The following GRIK4 variants were observed in gnomAD, a reference collection of about 807,000 sequenced individuals.
GRIK4 encodes glutamate receptor ionotropic, kainate 4.
Under a neutral mutation model 104.9 loss-of-function variants are expected in GRIK4, and 40 were observed. The observed-to-expected ratio is 0.38, with a 90% CI of 0.30 to 0.50. The LOEUF (loss-of-function observed/expected upper bound fraction) is 0.50, where lower values mean the gene tolerates loss of function less well. Among genes scored for constraint, GRIK4 ranks in the 20% least tolerant of loss-of-function variants. The pLI is 0.93. For missense variants in GRIK4, 1,047 were observed against 1,308.1 expected, an observed-to-expected ratio of 0.80 and a Z score of 3.08; for synonymous variants, 485 against 524.9, an observed-to-expected ratio of 0.92 and a Z score of 1.04.
intron 3 of GRIK4, among the ~76,000 whole-genome samples, chr11:120,727,145 C>T (rs1951042760): frequency 6.6e-6 from 1 of 152,092 alleles, no homozygotes; most frequent in South Asian, 2.1e-4. Flanking sequence ...GGGTTTGGCC[C>T]ACTTCAGTAG....
chr11:120,861,304 C>T (rs1270396975), intron 8 of GRIK4, among the ~76,000 whole-genome samples: 1 of 151,970 alleles, frequency 6.6e-6, no homozygotes, highest in Non-Finnish European at 1.5e-5. Context: ...GATGGGGTTT[C>T]ACCATGTTGG....
In GRIK4 at chr11:120,882,642, G is replaced by A. The variant is rs368300809; in HGVS notation, c.1164+7399G>A. 8.2e-4 allele frequency among the ~76,000 whole-genome samples: 125 copies of A among 152,312 alleles called. 1 individual carries two copies. The South Asian group carries it at 0.025, about 31-fold the overall frequency. On this transcript the variant is annotated intron_variant, in intron 11 of 20. Transcript: ENST00000527524. ...TTTAATTAAGGGGAATTGGAATGAGGTTTAAAATAGTTGACAACATCTCAT... is the reference window on the plus strand; with the variant it reads ...TTTAATTAAGGGGAATTGGAATGAGATTTAAAATAGTTGACAACATCTCAT...
chr11:120,548,790 C>G (rs923335996), intron 1 of GRIK4, among the ~76,000 whole-genome samples: 1 of 152,128 alleles, frequency 6.6e-6, no homozygotes, highest in Non-Finnish European at 1.5e-5. Context: ...CACACAAAAC[C>G]CTGAAATCCC....
intron 1 of GRIK4, among the ~76,000 whole-genome samples, chr11:120,624,543 C>A (rs1057006618): frequency 6.6e-6 from 1 of 152,134 alleles, no homozygotes; most frequent in Non-Finnish European, 1.5e-5. Flanking sequence ...GCTGGCCACC[C>A]CTTGTTCTCT....
In GRIK4 at chr11:120,535,875, T is replaced by C. The variant is rs904667049; in HGVS notation, c.-159+23988T>C. ...TGACACTGTGCCTGCCTTCAGTCAG[T>C]AGGCATCACTGTACCTTTTCCAGGG... On this transcript the variant is annotated intron_variant, in intron 1 of 20. Transcript: ENST00000527524. Among the ~76,000 whole-genome samples, 16 of 152,230 alleles carry C rather than the reference T, an allele frequency of 1.1e-4. 2 individuals are homozygous for C. Among genetic ancestry groups the C allele is most frequent in the Admixed American group, 1.0e-3 (16 of 15,288 alleles).
intron 18 of GRIK4, among the ~76,000 whole-genome samples, chr11:120,963,171 T>G (rs1432648948): frequency 6.6e-6 from 1 of 152,190 alleles, no homozygotes; most frequent in East Asian, 1.9e-4. Context: ...TTAGATGGAA[T>G]GCTTTCAAAT....
chr11:120,774,209 C>T (rs1236081971), intron 3 of GRIK4, among the ~76,000 whole-genome samples: 1 of 152,144 alleles, frequency 6.6e-6, no homozygotes, highest in Non-Finnish European at 1.5e-5. Flanking sequence ...CTCCCCAGGT[C>T]ATGTTTGAGC....
Position 120,905,298 on chromosome 11 carries a change from A to G in GRIK4, c.1281A>G (p.Pro427=), listed in dbSNP as rs367710549. 15 of 1,612,024 alleles carry G rather than the reference A, an allele frequency of 9.3e-6. No homozygotes were observed. The highest frequency in any genetic ancestry group is 1.3e-5 in the Non-Finnish European group (15 of 1,178,224). ...GCCCAGTTTTGCTGCAGGAGAACCC[A>G]TATTTAATGCTGAAGGGGAACCACC... ...TLVVTTILEN[P]YLMLKGNHQE... is the part of the protein sequence containing the mutation. The change falls in exon 13 of 21, where the codon CCA becomes CCG. Residue 427 remains proline, a synonymous_variant. Transcript: ENST00000527524. The surrounding 1 kb of genome is among the most constrained non-coding windows in gnomAD (Gnocchi z 5.1).
chr11:120,657,346 A>G (rs77101138), intron 2 of GRIK4, among the ~76,000 whole-genome samples: 17,715 of 152,186 alleles, frequency 0.12, 2,638 homozygotes, highest in African/African-American at 0.35. Context: ...GCTTTAATCT[A>G]TCCCTGCACC....
chr11:120,751,875 A>G (rs115596758), intron 3 of GRIK4, among the ~76,000 whole-genome samples: 3,982 of 152,062 alleles, frequency 0.026, 146 homozygotes, highest in African/African-American at 0.09. Context: ...AGGTTCCTGG[A>G]TCTCCTTGCC....
At chr11:120,688,736 G>C (rs149149874) in intron 3 of GRIK4, among the ~76,000 whole-genome samples, 1 of 152,302 alleles carries the variant, frequency 6.6e-6, no homozygotes, top group African/African-American at 2.4e-5. Flanking sequence ...GGTTGAGAGA[G>C]GCTAGTCAAG....
intron 3 of GRIK4, among the ~76,000 whole-genome samples, chr11:120,730,087 T>C (rs956243168): frequency 6.6e-6 from 1 of 152,138 alleles, no homozygotes; most frequent in African/African-American, 2.4e-5. Context: ...GGGCACGGTG[T>C]CTCATGCCTG....
chr11:120,937,273 A>AGGTG (rs1943618341), intron 13 of GRIK4, among the ~76,000 whole-genome samples: 1 of 152,126 alleles, frequency 6.6e-6, no homozygotes, highest in Admixed American at 6.5e-5. Context: ...TCCTGACCTC[A>AGGTG]GGTGATCCAC....
At chr11:120,818,358 T>A (rs762232300) in intron 5 of GRIK4, among the ~76,000 whole-genome samples, 1 of 151,844 alleles carries the variant, frequency 6.6e-6, no homozygotes, top group African/African-American at 2.4e-5. Flanking sequence ...GGTCTGTTTG[T>A]TATTCACTTT....
chr11:120,833,970 A>G (rs917804954), intron 7 of GRIK4, among the ~76,000 whole-genome samples: 3 of 152,214 alleles, frequency 2.0e-5, no homozygotes, highest in African/African-American at 7.2e-5. Context: ...TTATTTAACC[A>G]TCACTTTATT....
In GRIK4 at chr11:120,574,881, A is replaced by G. The variant is rs550377613; in HGVS notation, c.-159+62994A>G. ...TTTAATAAGAATTCATTGAGCACCT[A>G]CTATATGCCTGAGTCTACACCGAGT... is the stretch of plus-strand genomic sequence containing the variant. On this transcript the variant is annotated intron_variant, in intron 1 of 20. Transcript: ENST00000527524. Among the ~76,000 whole-genome samples, 11 of 151,918 alleles carry G rather than the reference A, an allele frequency of 7.2e-5. No homozygotes were observed. The South Asian group carries it at 1.0e-3, about 14-fold the overall frequency.
chr11:120,875,693 C>G (rs1261128082), intron 11 of GRIK4, among the ~76,000 whole-genome samples: 1 of 152,146 alleles, frequency 6.6e-6, no homozygotes, highest in Non-Finnish European at 1.5e-5. Flanking sequence ...GCTCCCACCC[C>G]CATGCCAATG....
In GRIK4 at chr11:120,986,308, G is replaced by A; in HGVS notation, c.*48G>A. 7.0e-7 allele frequency: 1 copy of A among 1,431,722 alleles called. No homozygotes were observed. Among genetic ancestry groups the A allele is most frequent in the African/African-American group, 1.5e-5 (1 of 64,796 alleles). 88.7% of individuals were successfully genotyped at this position (1,431,722 alleles called of 1,614,324 possible). On this transcript the variant is annotated 3_prime_UTR_variant, in exon 21 of 21. Coordinates refer to ENST00000527524, the MANE Select transcript of GRIK4 (RefSeq NM_014619.5). ...AGAGGCCGGGCGGGGCGGGAGGGGA[G>A]GGGCGGGGCGGGCGCTGCTGTCAGC...
intron 13 of GRIK4, among the ~76,000 whole-genome samples, chr11:120,909,090 G>A (rs939272429): frequency 3.3e-5 from 5 of 152,188 alleles, no homozygotes; most frequent in Non-Finnish European, 5.9e-5. Context: ...CAGACACCAT[G>A]GGCCGGGCCA....
Sources: gnomAD v4.1 joint callset for allele counts (sites outside exome capture counted in the v4.1 genomes callset) on GRCh38, gnomAD v4.1.1 for gene constraint, Gnocchi (gnomAD v3.1) non-coding constraint, MANE v1.5 for transcripts, NCBI Gene and HGNC (gene_info 2026-07-23, HGNC 2026-07-21) for gene names.